Variants in USP54 observed in about 807,000 individuals in gnomAD.
The protein encoded by USP54 is ubiquitin carboxyl-terminal hydrolase 54.
Under a neutral mutation model 170.5 loss-of-function variants are expected in USP54, and 87 were observed. The ratio of observed to expected loss-of-function variants is 0.51; its 90% CI spans 0.43 to 0.61. The LOEUF (loss-of-function observed/expected upper bound fraction) is 0.61, where lower values mean the gene tolerates loss of function less well. Ranked by LOEUF, USP54 falls within the 20% of genes least tolerant of loss-of-function variation. USP54 has a pLI of 0.00. For missense variants in USP54, 1,786 were observed against 2,047.8 expected (o/e 0.87, Z 2.47); for synonymous variants, 655 against 742.8 (o/e 0.88, Z 1.92).
chr10:73,615,813 G>C (rs1369314458), intron 1 of USP54, among the ~76,000 whole-genome samples: 2 of 148,696 alleles, frequency 1.3e-5, no homozygotes, highest in African/African-American at 5.2e-5. Flanking sequence ...CCAGCTACTC[G>C]GGAGGTTGAG....
At chr10:73,551,522 T>C (rs929530803) in intron 4 of USP54, among the ~76,000 whole-genome samples, 1 of 152,122 alleles carries the variant, frequency 6.6e-6, no homozygotes, top group Non-Finnish European at 1.5e-5. Context: ...TTTGAACCTT[T>C]GGAGAAATAA....
chr10:73,581,415 C>G (rs921466574), intron 1 of USP54, among the ~76,000 whole-genome samples: 4 of 152,208 alleles, frequency 2.6e-5, no homozygotes, highest in Non-Finnish European at 4.4e-5. Context: ...TGATGGAAAA[C>G]AGTGGGTCTC....
At chr10:73,615,667 T>TC (rs1188571921) in intron 1 of USP54, among the ~76,000 whole-genome samples, 2 of 150,210 alleles carry the variant, frequency 1.3e-5, no homozygotes, top group African/African-American at 2.5e-5. Flanking sequence ...ACACCTGTAA[T>TC]CCCAGCACTC....
intron 12 of USP54, among the ~76,000 whole-genome samples, chr10:73,533,767 T>A (rs1245569704): frequency 1.3e-5 from 2 of 152,216 alleles, no homozygotes; most frequent in African/African-American, 2.4e-5. Flanking sequence ...AACAAAACAA[T>A]GCAAGAATAT....
intron 20 of USP54, among the ~76,000 whole-genome samples, chr10:73,508,080 C>A (rs1054461450): frequency 4.6e-5 from 7 of 152,158 alleles, no homozygotes; most frequent in Admixed American, 2.0e-4. Flanking sequence ...AGAAGGTAGC[C>A]ACTGGAACCT....
chr10:73,499,906 GA>G (rs1276944173), intron 23 of USP54: 1 of 152,118 alleles, frequency 6.6e-6, no homozygotes, highest in African/African-American at 2.4e-5. Flanking sequence ...ATTTATTAAT[GA>G]AAAATACTTT....
upstream of USP54, among the ~76,000 whole-genome samples, chr10:73,592,931 TC>T (rs1197568437): frequency 6.6e-6 from 1 of 152,224 alleles, no homozygotes; most frequent in East Asian, 1.9e-4. Context: ...CATTTCTTAT[TC>T]CCTCTTCAAG....
At chr10:73,594,035 G>C (rs2078511276), upstream of USP54, among the ~76,000 whole-genome samples, 1 of 152,076 alleles carries the variant, frequency 6.6e-6, no homozygotes, top group Non-Finnish European at 1.5e-5. Context: ...CAGGAACTGA[G>C]TGGCTCCGCA....
intron 4 of USP54, chr10:73,553,266 C>T (rs1257024658): frequency 1.3e-5 from 2 of 152,330 alleles, no homozygotes; most frequent in East Asian, 3.9e-4. Flanking sequence ...TGAATGCATT[C>T]AGAATGGCCT....
intron 4 of USP54, among the ~76,000 whole-genome samples, chr10:73,565,923 G>A (rs1480796386): frequency 6.6e-6 from 1 of 152,092 alleles, no homozygotes; most frequent in Non-Finnish European, 1.5e-5. Context: ...CACCAACAGT[G>A]ATTTATTTAC....
At chr10:73,624,179 TATATA>T (rs2081308109) in intron 1 of USP54, among the ~76,000 whole-genome samples, 1 of 110,888 alleles carries the variant, frequency 9.0e-6, no homozygotes, top group African/African-American at 3.0e-5. Flanking sequence ...TATATATATA[TATATA>T]TATATATATA....
At chr10:73,510,515 G>A (rs912062562) in intron 20 of USP54, among the ~76,000 whole-genome samples, 2 of 149,070 alleles carry the variant, frequency 1.3e-5, no homozygotes, top group Admixed American at 1.3e-4. Flanking sequence ...GCAATGGGCA[G>A]CTCACTGCAA....
chr10:73,508,976 T>C (rs1224661308), intron 20 of USP54, among the ~76,000 whole-genome samples: 2 of 151,050 alleles, frequency 1.3e-5, no homozygotes, highest in Non-Finnish European at 3.0e-5. Flanking sequence ...GAACATGTTT[T>C]TTTTTTTTTT....
rs932051859 is a variant in USP54, at chr10:73,610,226, C to A, written c.-18+15341G>T. ...AAACTTTACTGTGAAACTACATTAT[C>A]TACAAGATGTTTCTTCAGAAATTTC... is the stretch of plus-strand genomic sequence containing the variant. On this transcript the variant is annotated intron_variant, in intron 1 of 22. Transcript: ENST00000339859. Among the ~76,000 whole-genome samples the A allele has an allele frequency of 2.0e-5, 3 of 152,112 alleles. No individual in the cohort carries two copies. The South Asian group carries it at 6.2e-4, about 32-fold the overall frequency.
At chr10:73,524,802 T>C (rs190178624) in intron 16 of USP54, among the ~76,000 whole-genome samples, 295 of 152,246 alleles carry the variant, frequency 1.9e-3, no homozygotes, top group Middle Eastern at 0.014. Flanking sequence ...GATAAATAAT[T>C]TGCCCAAGGT....
At chr10:73,507,940 G>A (rs981880426) in intron 20 of USP54, among the ~76,000 whole-genome samples, 9 of 152,074 alleles carry the variant, frequency 5.9e-5, no homozygotes, top group African/African-American at 1.4e-4. Context: ...GCAGTGAGCC[G>A]TGATTGTGCC....
chr10:73,553,747 C>T (rs1216779361), intron 4 of USP54, among the ~76,000 whole-genome samples: 1 of 152,132 alleles, frequency 6.6e-6, no homozygotes, highest in Non-Finnish European at 1.5e-5. Flanking sequence ...AGAGAAAATC[C>T]ACCTTGGAGT....
intron 4 of USP54, among the ~76,000 whole-genome samples, chr10:73,563,700 G>A (rs1178842707): frequency 6.6e-6 from 1 of 152,110 alleles, no homozygotes; most frequent in South Asian, 2.1e-4. Context: ...GCCTCCCAAA[G>A]TGCTGGGATT....
At chr10:73,508,239 T>G (rs543085793) in intron 20 of USP54, among the ~76,000 whole-genome samples, 6 of 151,870 alleles carry the variant, frequency 4.0e-5, no homozygotes, top group Non-Finnish European at 8.8e-5. Context: ...AAACCCTGTC[T>G]CTATTAAAAA....
Sources: gnomAD v4.1 joint callset for allele counts (sites outside exome capture counted in the v4.1 genomes callset) on GRCh38, gnomAD v4.1.1 for gene constraint, MANE v1.5 for transcripts, NCBI Gene and HGNC (gene_info 2026-07-23, HGNC 2026-07-21) for gene names.